Variants in IGDCC3 observed in about 807,000 individuals in gnomAD.
IGDCC3 encodes the protein putative neuronal cell adhesion molecule.
In IGDCC3, 47 loss-of-function variants were observed where a neutral mutation model predicts 72.0. That is an observed-to-expected ratio of 0.65 (90% CI 0.52 to 0.83). The LOEUF (loss-of-function observed/expected upper bound fraction) is 0.83. IGDCC3 is among the 40% of genes least tolerant of loss of function. The probability of loss-of-function intolerance (pLI) is 0.00; values close to 1 mark genes in which losing one functional copy is unlikely to be tolerated. For synonymous variants in IGDCC3, 477 were observed against 472.8 expected (o/e 1.01, Z -0.11); for missense variants, 1,038 against 1,091.3 (o/e 0.95, Z 0.69).
intron 2 of IGDCC3, among the ~76,000 whole-genome samples, chr15:65,354,433 C>G (rs2091198124): frequency 6.6e-6 from 1 of 152,182 alleles, no homozygotes; most frequent in South Asian, 2.1e-4. Context: ...CCTTTTTCTA[C>G]CACCGCCTCC....
At chr15:65,340,140 T>TC (rs1397450924) in intron 2 of IGDCC3, among the ~76,000 whole-genome samples, 85 of 152,160 alleles carry the variant, frequency 5.6e-4, no homozygotes, top group African/African-American at 2.0e-3. Flanking sequence ...AGGAAACAGT[T>TC]CCTGGACACC....
intron 2 of IGDCC3, among the ~76,000 whole-genome samples, chr15:65,347,012 T>C (rs1216727851): frequency 6.6e-6 from 1 of 152,080 alleles, no homozygotes; most frequent in African/African-American, 2.4e-5. Flanking sequence ...GCAGAGCCCC[T>C]CTCCACAGAC....
rs200024838 is a variant in IGDCC3, at chr15:65,361,268, AAATAAT to A, written c.409+13823_409+13828del. ...CATAGTAGGGTCTAGTTTCTACTAA[AAATAAT>A]AATAATAATAAAAAAACATTAGCTG... On this transcript the variant is annotated intron_variant, in intron 2 of 13. Transcript: ENST00000327987. Among the ~76,000 whole-genome samples, 6 of 117,910 alleles carry A rather than the reference AAATAAT, an allele frequency of 5.1e-5. No individual in the cohort carries two copies. In the East Asian group the frequency reaches 7.6e-4, roughly 15 times the overall value. The allele number at this position is 117,910 out of a possible 152,430, so 77.4% of individuals were successfully genotyped here.
chr15:65,370,537 TTTA>T (rs1437971050), intron 2 of IGDCC3, among the ~76,000 whole-genome samples: 195 of 137,480 alleles, frequency 1.4e-3, no homozygotes, highest in Non-Finnish European at 2.2e-3. Context: ...TATATATATA[TTTA>T]TATATATATG....
chr15:65,335,720 G>A, intron 3 of IGDCC3, 92 bp downstream of exon 3: 1 of 1,451,556 alleles, frequency 6.9e-7, no homozygotes, highest in Non-Finnish European at 9.6e-7. Flanking sequence ...GGCACCAACT[G>A]CAGCTCCCAG....
chr15:65,354,097 G>T (rs558519393), intron 2 of IGDCC3, among the ~76,000 whole-genome samples: 1 of 152,112 alleles, frequency 6.6e-6, no homozygotes, highest in Non-Finnish European at 1.5e-5. Context: ...GTAGAGATGG[G>T]GTTTCACCAC....
chr15:65,335,222 T>G, intron 4 of IGDCC3, 69 bp downstream of exon 4: 21 of 1,513,350 alleles, frequency 1.4e-5, no homozygotes, highest in Non-Finnish European at 1.9e-5. Context: ...TGAAGGGGGT[T>G]GATCTAAGGG....
chr15:65,333,119 T>C, intron 6 of IGDCC3, 138 bp downstream of exon 6: 2 of 797,118 alleles, frequency 2.5e-6, no homozygotes, highest in Non-Finnish European at 3.7e-6. Context: ...TGGCCTGGCC[T>C]GGGGGCCGGT....
At chr15:65,372,254 G>A (rs183012095) in intron 2 of IGDCC3, among the ~76,000 whole-genome samples, 13 of 152,176 alleles carry the variant, frequency 8.5e-5, no homozygotes, top group South Asian at 4.1e-4. Flanking sequence ...ACGTTTCACA[G>A]GCAAGGAAAC....
At chr15:65,361,845 A>G (rs1000216703) in intron 2 of IGDCC3, among the ~76,000 whole-genome samples, 11 of 152,214 alleles carry the variant, frequency 7.2e-5, no homozygotes, top group African/African-American at 2.4e-4. Context: ...AGGACGAGGC[A>G]TCATTTTCGG....
In IGDCC3 at chr15:65,341,559, A is replaced by C. The variant is rs549028563; in HGVS notation, c.410-5603T>G. Among the ~76,000 whole-genome samples, 5 of 152,356 alleles carry C rather than the reference A, an allele frequency of 3.3e-5. No homozygotes were observed. The South Asian group carries it at 1.0e-3, about 32-fold the overall frequency. On this transcript the variant is annotated intron_variant, in intron 2 of 13. Coordinates refer to ENST00000327987, the MANE Select transcript of IGDCC3 (RefSeq NM_004884.4). ...GCCTTAAAAAGGAGGAAATCCTGACACATGCTACAACAGGGATGAACCTTG... is the reference window on the plus strand; with the variant it reads ...GCCTTAAAAAGGAGGAAATCCTGACCCATGCTACAACAGGGATGAACCTTG...
In IGDCC3 at chr15:65,340,186, G is replaced by A. The variant is rs189835111; in HGVS notation, c.410-4230C>T. Among the ~76,000 whole-genome samples, 558 of 152,232 alleles carry A rather than the reference G, an allele frequency of 3.7e-3. 3 individuals are homozygous for A. The highest frequency in any genetic ancestry group is 0.013 in the African/African-American group (536 of 41,532). On this transcript the variant is annotated intron_variant, in intron 2 of 13. Transcript: ENST00000327987. ...ACCCAAGGGGAGGGGCCTCCTGAGA[G>A]CCAGATCTAGGGCCGCTCAGGGAGG...
chr15:65,377,781 A>G lies in IGDCC3; in HGVS notation c.8T>C (p.Val3Ala). Residue 3 changes from valine (V) to alanine (A), a missense_variant, in exon 1 of 14, where the codon GTG (valine) becomes GCG (alanine). Physicochemically the swap from Val to Ala is moderately conservative, Grantham distance 64. Transcript: ENST00000327987. This position sits in a 1 kb window ranked among gnomAD's most constrained non-coding sequence, Gnocchi z 4.9. The part of the protein sequence containing the change: MA[V>A]QRAASPRRPP... ...GCGGCGCGGAGACGCGGCGCGCTGC[A>G]CAGCCATGGGGCTCTCGGTCAGCTC... The G allele has an allele frequency of 7.8e-7, 1 of 1,285,094 alleles. No individual in the cohort carries two copies. Among genetic ancestry groups the G allele is most frequent in the Non-Finnish European group, 9.8e-7 (1 of 1,020,936 alleles). The allele number at this position is 1,285,094 out of a possible 1,614,324, so 79.6% of individuals were successfully genotyped here.
At chr15:65,362,707 G>T (rs997715838) in intron 2 of IGDCC3, among the ~76,000 whole-genome samples, 1 of 152,104 alleles carries the variant, frequency 6.6e-6, no homozygotes. Flanking sequence ...GTTCAGGGAG[G>T]GAGCTTGAAC....
In IGDCC3 at chr15:65,332,111, G is replaced by A. The variant is rs538475017; in HGVS notation, c.983-5C>T. On this transcript the variant is annotated splice_polypyrimidine_tract_variant and splice_region_variant and intron_variant, in intron 6 of 13. Coordinates refer to ENST00000327987, the MANE Select transcript of IGDCC3 (RefSeq NM_004884.4). ...GCTGCACAAACTCAGCTGGGGCTGC[G>A]AGTAGAGTCAGGAGGGTGGGGGCGC... 3.5e-5 allele frequency: 56 copies of A among 1,611,924 alleles called. No homozygotes were observed. The East Asian group carries it at 4.7e-4, about 13-fold the overall frequency.
intron 2 of IGDCC3, among the ~76,000 whole-genome samples, chr15:65,369,925 G>A (rs1353813345): frequency 6.6e-6 from 1 of 152,114 alleles, no homozygotes; most frequent in Non-Finnish European, 1.5e-5. Context: ...CACACCATGA[G>A]CCTTTTTGCT....
At chr15:65,375,015 G>T in intron 2 of IGDCC3, 82 bp downstream of exon 2, 1 of 1,271,714 alleles carries the variant, frequency 7.9e-7, no homozygotes, top group Non-Finnish European at 1.1e-6. Flanking sequence ...AGATGGGACT[G>T]CTCCCGCTGC....
intron 4 of IGDCC3, 148 bp downstream of exon 4, chr15:65,335,143 C>T (rs927777615): frequency 3.3e-6 from 3 of 895,736 alleles, no homozygotes; most frequent in Admixed American, 5.8e-5. Context: ...TTCCTGTGCA[C>T]CCTCACGCCA....
Position 65,329,333 on chromosome 15 carries a change from G to A in IGDCC3, c.2205+57C>T. On this transcript the variant is annotated intron_variant, in intron 13 of 13. Coordinates refer to ENST00000327987, the MANE Select transcript of IGDCC3 (RefSeq NM_004884.4). The surrounding 1 kb of genome is among the most constrained non-coding windows in gnomAD (Gnocchi z 4.1). The stretch of plus-strand genomic sequence containing the variant: ...GGCCAAGGTGAAGGGGGGCAGGATT[G>A]GAAGGTGGCAGTGTCAGAGCCTGAG... 23 of 1,522,350 alleles carry A rather than the reference G, an allele frequency of 1.5e-5. No individual in the cohort carries two copies. In the South Asian group the frequency reaches 2.1e-4, roughly 14 times the overall value. 94.3% of individuals were successfully genotyped at this position (1,522,350 alleles called of 1,614,324 possible).
Sources: gnomAD v4.1 joint callset for allele counts (sites outside exome capture counted in the v4.1 genomes callset) on GRCh38, gnomAD v4.1.1 for gene constraint, Gnocchi (gnomAD v3.1) non-coding constraint, MANE v1.5 for transcripts, NCBI Gene and HGNC (gene_info 2026-07-23, HGNC 2026-07-21) for gene names.